The following BLVRA variants were observed in gnomAD, a reference collection of about 807,000 sequenced individuals.
BLVRA encodes the protein biliverdin reductase A.
A neutral mutation model predicts 32.8 loss-of-function variants in BLVRA; 22 were observed. The ratio of observed to expected loss-of-function variants is 0.67; its 90% CI spans 0.48 to 0.96. BLVRA has a LOEUF of 0.96. Among genes scored for constraint, BLVRA ranks in the 40% least tolerant of loss-of-function variants. The probability of loss-of-function intolerance (pLI) is 0.00; values close to 1 mark genes in which losing one functional copy is unlikely to be tolerated. For synonymous variants in BLVRA, 119 were observed against 141.3 expected, an observed-to-expected ratio of 0.84 and a Z score of 1.12; for missense variants, 323 against 358.1, an observed-to-expected ratio of 0.90 and a Z score of 0.79.
In BLVRA at chr7:43,803,808, A is replaced by G. The variant is rs1585745965; in HGVS notation, c.593A>G (p.Tyr198Cys). The change falls in exon 7 of 8, where the codon TAT (tyrosine) becomes TGT (cysteine). Residue 198 changes from tyrosine (Y) to cysteine (C), a missense_variant. By Grantham distance (194) the Tyr-to-Cys change is radical. Transcript: ENST00000265523. ...ATLEERKEDQ[Y>C]MKMTVCLETE... ...TTGGAAGAGCGAAAGGAAGATCAGT[A>G]TATGAAAATGACAGTGTGTCTGGAG... The G allele has an allele frequency of 1.9e-6, 3 of 1,614,192 alleles. No homozygotes were observed. Among genetic ancestry groups the G allele is most frequent in the Non-Finnish European group, 1.7e-6 (2 of 1,180,014 alleles).
At chr7:43,771,776 G>A (rs1159385004) in intron 2 of BLVRA, among the ~76,000 whole-genome samples, 1 of 152,182 alleles carries the variant, frequency 6.6e-6, no homozygotes, top group Non-Finnish European at 1.5e-5. Context: ...GCTGTTTGCA[G>A]CTGGCAGATG....
intron 5 of BLVRA, among the ~76,000 whole-genome samples, chr7:43,793,495 A>G: frequency 6.6e-6 from 1 of 152,202 alleles, no homozygotes; most frequent in East Asian, 1.9e-4. Context: ...GGAGAAATTA[A>G]GACTTTCCCA....
intron 2 of BLVRA, among the ~76,000 whole-genome samples, chr7:43,772,785 A>G (rs989681103): frequency 3.9e-5 from 6 of 152,220 alleles, no homozygotes; most frequent in Admixed American, 3.3e-4. Context: ...AGAACTCACT[A>G]TCATGAGAAC....
chr7:43,770,305 C>T (rs1395118486), intron 1 of BLVRA, among the ~76,000 whole-genome samples: 1 of 152,140 alleles, frequency 6.6e-6, no homozygotes, highest in African/African-American at 2.4e-5. Flanking sequence ...TCTAGTGGCT[C>T]TAACAAGTGA....
At chr7:43,780,344 A>G (rs1405594801) in intron 2 of BLVRA, among the ~76,000 whole-genome samples, 2 of 152,172 alleles carry the variant, frequency 1.3e-5, no homozygotes, top group African/African-American at 4.8e-5. Flanking sequence ...AAGGCTGTAA[A>G]TCCTGTCATT....
At chr7:43,800,260 T>G in intron 5 of BLVRA, 4 of 550,338 alleles carry the variant, frequency 7.3e-6, no homozygotes, top group East Asian at 3.4e-5. Flanking sequence ...CTGGCCTTCA[T>G]TTCATTCATT....
At chr7:43,778,507 G>A (rs1029155245) in intron 2 of BLVRA, among the ~76,000 whole-genome samples, 7 of 152,162 alleles carry the variant, frequency 4.6e-5, no homozygotes, top group African/African-American at 9.7e-5. Context: ...CTGCCTGATC[G>A]GTCCTCTGGA....
intron 1 of BLVRA, among the ~76,000 whole-genome samples, chr7:43,764,571 T>C (rs1237625506): frequency 1.3e-5 from 2 of 151,830 alleles, no homozygotes; most frequent in Non-Finnish European, 2.9e-5. Context: ...GGCTGGAAAG[T>C]GGGGTGGGGA....
chr7:43,775,875 G>A (rs2095760265), intron 2 of BLVRA, among the ~76,000 whole-genome samples: 1 of 152,202 alleles, frequency 6.6e-6, no homozygotes, highest in Admixed American at 6.5e-5. Flanking sequence ...TTGGGAGGGT[G>A]TATGTGTTGA....
chr7:43,800,099 G>A (rs2095797048), intron 5 of BLVRA, among the ~76,000 whole-genome samples: 2 of 152,138 alleles, frequency 1.3e-5, no homozygotes, highest in South Asian at 2.1e-4. Flanking sequence ...GGGCTTACAG[G>A]TGCCCACCAC....
In BLVRA at chr7:43,792,776, G is replaced by A. The variant is rs143540634; in HGVS notation, c.316G>A (p.Ala106Thr). The A allele has an allele frequency of 1.9e-6, 3 of 1,614,170 alleles. No homozygotes were observed. The African/African-American group carries it at 4.0e-5, about 22-fold the overall frequency. The change falls in exon 5 of 8, where the codon GCC becomes ACC. Residue 106 changes from alanine (A) to threonine (T), a missense_variant. Transcript: ENST00000265523. The stretch of plus-strand genomic sequence containing the variant: ...ATACCCCATGACACTGTCATTGGCG[G>A]CCGCTCAGGAACTGTGGGAGCTGGC... Reference protein sequence around the residue: ...VEYPMTLSLAAAQELWELAEQ... With the variant: ...VEYPMTLSLATAQELWELAEQ...
At chr7:43,792,929 G>C (rs1044877437) in intron 5 of BLVRA, 117 bp downstream of exon 5, 2 of 973,236 alleles carry the variant, frequency 2.1e-6, no homozygotes, top group African/African-American at 3.2e-5. Context: ...GGCACTGTGG[G>C]CTCCCAACTG....
chr7:43,773,708 C>T (rs1159218010), intron 2 of BLVRA, among the ~76,000 whole-genome samples: 22 of 152,192 alleles, frequency 1.4e-4, no homozygotes, highest in Admixed American at 3.9e-4. Flanking sequence ...CCTGAGGAAT[C>T]GCCACACTGA....
At chr7:43,767,353 T>C in intron 1 of BLVRA, 1 of 1,596,876 alleles carries the variant, frequency 6.3e-7, no homozygotes, top group Non-Finnish European at 8.6e-7. Context: ...AAAAGAAAGC[T>C]CATTAGCATC....
chr7:43,780,000 A>C (rs190484093), intron 2 of BLVRA, among the ~76,000 whole-genome samples: 2 of 151,800 alleles, frequency 1.3e-5, no homozygotes. Context: ...CAGCCTACCA[A>C]GTAGCTGGGA....
chr7:43,795,024 A>G (rs769586190), intron 5 of BLVRA, among the ~76,000 whole-genome samples: 20 of 151,984 alleles, frequency 1.3e-4, no homozygotes, highest in Admixed American at 1.0e-3. Flanking sequence ...GAGCCTGGGC[A>G]ACATGGTGAA....
chr7:43,758,412 C>T (rs1319665252), upstream of BLVRA, among the ~76,000 whole-genome samples: 1 of 111,536 alleles, frequency 9.0e-6, no homozygotes, highest in African/African-American at 2.7e-5. Flanking sequence ...ATACGCCCTC[C>T]GGTCGGCCGG....
intron 1 of BLVRA, among the ~76,000 whole-genome samples, chr7:43,759,558 CT>C (rs2095740016): frequency 6.6e-6 from 1 of 152,162 alleles, no homozygotes; most frequent in Admixed American, 6.5e-5. Flanking sequence ...AATCATAATG[CT>C]TACTTAGTAG....
intron 2 of BLVRA, among the ~76,000 whole-genome samples, chr7:43,785,619 G>A (rs2095776474): frequency 6.6e-6 from 1 of 152,186 alleles, no homozygotes; most frequent in African/African-American, 2.4e-5. Flanking sequence ...TAGCAGCAGT[G>A]GACAGTCAGG....
Sources: gnomAD v4.1 joint callset for allele counts (sites outside exome capture counted in the v4.1 genomes callset) on GRCh38, gnomAD v4.1.1 for gene constraint, MANE v1.5 for transcripts, NCBI Gene and HGNC (gene_info 2026-07-23, HGNC 2026-07-21) for gene names.